Variants in ATP13A3 observed in about 807,000 individuals in gnomAD.
ATP13A3 encodes ATPase 13A3.
A neutral mutation model predicts 158.1 loss-of-function variants in ATP13A3; 59 were observed. The observed-to-expected ratio is 0.37, with a 90% CI of 0.30 to 0.46. The LOEUF (loss-of-function observed/expected upper bound fraction) is 0.46, where lower values mean the gene tolerates loss of function less well. ATP13A3 is among the 20% of genes least tolerant of loss of function. The pLI is 1.00. For missense variants in ATP13A3, 1,166 were observed against 1,525.2 expected (o/e 0.76, Z 3.92); for synonymous variants, 491 against 504.3 (o/e 0.97, Z 0.35).
intron 32 of ATP13A3, 97 bp from the exon 33 acceptor site, chr3:194,412,385 T>A (rs1160717846): frequency 1.1e-6 from 1 of 909,758 alleles, no homozygotes; most frequent in Non-Finnish European, 1.7e-6. Context: ...GCATAATTGA[T>A]GAAAAGGATA....
At chr3:194,475,127 A>C (rs1720469985) in intron 2 of ATP13A3, among the ~76,000 whole-genome samples, 1 of 152,196 alleles carries the variant, frequency 6.6e-6, no homozygotes, top group Non-Finnish European at 1.5e-5. Context: ...AGAAGAGTGG[A>C]AGAAAATTTT....
At chr3:194,413,988 G>T (rs1715628877) in intron 31 of ATP13A3, 149 bp from the exon 32 acceptor site, 4 of 659,942 alleles carry the variant, frequency 6.1e-6, no homozygotes, top group Non-Finnish European at 1.1e-5. Context: ...ATGCCCCGCG[G>T]TATATATTAT....
upstream of ATP13A3, among the ~76,000 whole-genome samples, chr3:194,489,496 A>C (rs1721120859): frequency 6.6e-6 from 1 of 152,170 alleles, no homozygotes; most frequent in Non-Finnish European, 1.5e-5. The surrounding 1 kb of genome is among the most constrained non-coding windows in gnomAD (Gnocchi z 4.1). Context: ...TTCCAGCCTG[A>C]ATTGTTAGAC....
upstream of ATP13A3, chr3:194,488,434 T>C (rs1418315222): frequency 6.6e-6 from 1 of 152,398 alleles, no homozygotes. This position sits in a 1 kb window ranked among gnomAD's most constrained non-coding sequence, Gnocchi z 4.1. Flanking sequence ...TCCCTCCAAC[T>C]AGCTTCCAAG....
Position 194,448,324 on chromosome 3 carries a change from C to T in ATP13A3, c.1150+133G>A, listed in dbSNP as rs1718548715. On this transcript the variant is annotated intron_variant, in intron 12 of 33. Coordinates refer to ENST00000645319, the MANE Select transcript of ATP13A3 (RefSeq NM_001367549.1). This position sits in a 1 kb window ranked among gnomAD's most constrained non-coding sequence, Gnocchi z 4.0. ...CAATCTCCTGACCTCATGATCCGCCCACCTCGGCTTCCCAAAGTGCTGGGA... is the reference window on the plus strand; with the variant it reads ...CAATCTCCTGACCTCATGATCCGCCTACCTCGGCTTCCCAAAGTGCTGGGA... 18 of 1,028,278 alleles carry T rather than the reference C, an allele frequency of 1.8e-5. No homozygotes were observed. The South Asian group carries it at 2.6e-4, about 15-fold the overall frequency. 63.7% of individuals were successfully genotyped at this position (1,028,278 alleles called of 1,614,324 possible). A position where few individuals can be genotyped will look rare whatever the true frequency, so the allele number is the denominator to read the frequency against.
rs146993933 is a variant in ATP13A3, at chr3:194,449,044, TACACACACACACACAC to T, written c.971-424_971-409del. ...GTGAGGGCCTACCCCGATCCACCCC[TACACACACACACACAC>T]ACACACACACACACACACACACACA... On this transcript the variant is annotated intron_variant, in intron 11 of 33. Coordinates refer to ENST00000645319, the MANE Select transcript of ATP13A3 (RefSeq NM_001367549.1). Among the ~76,000 whole-genome samples the T allele has an allele frequency of 5.3e-3, 709 of 134,974 alleles. 1 individual carries two copies. The highest frequency in any genetic ancestry group is 0.026 in the Middle Eastern group (7 of 272). 88.5% of individuals were successfully genotyped at this position (134,974 alleles called of 152,430 possible). A position where few individuals can be genotyped will look rare whatever the true frequency, so the allele number is the denominator to read the frequency against.
At chr3:194,468,281 A>G in intron 2 of ATP13A3, 1 of 151,762 alleles carries the variant, frequency 6.6e-6, no homozygotes, top group East Asian at 1.9e-4. Flanking sequence ...TCCACAGTGC[A>G]TGCCTGAGTC....
At chr3:194,466,427 G>A (rs1011198085) in intron 2 of ATP13A3, among the ~76,000 whole-genome samples, 3 of 152,158 alleles carry the variant, frequency 2.0e-5, no homozygotes, top group African/African-American at 7.2e-5. Flanking sequence ...AAAAGATTCT[G>A]CAAGTATCAG....
chr3:194,412,135 C>T (rs763586183), intron 33 of ATP13A3, 64 bp downstream of exon 33: 7 of 1,270,254 alleles, frequency 5.5e-6, no homozygotes. Context: ...CTAGAGAATA[C>T]AGAGTACACA....
Position 194,430,131 on chromosome 3 carries a change from T to C in ATP13A3, c.2718A>G (p.Ser906=), listed in dbSNP as rs1338118580. 3 of 1,614,160 alleles carry C rather than the reference T, an allele frequency of 1.9e-6. No individual in the cohort carries two copies. The highest frequency in any genetic ancestry group is 1.7e-5 in the Admixed American group (1 of 60,018). Residue 906 remains serine (S), a synonymous_variant, in exon 26 of 34, where the codon TCA becomes TCG. Coordinates refer to ENST00000645319, the MANE Select transcript of ATP13A3 (RefSeq NM_001367549.1). ...TCTTAGAGGTAAAGGGAGATGCCAC[T>C]GAAGCTTCGAGCTCCGATAAGGAAA... is the stretch of plus-strand genomic sequence containing the variant. ...GGISLSELEA[S]VASPFTSKTP...
At chr3:194,455,184 T>C (rs998992120) in intron 8 of ATP13A3, among the ~76,000 whole-genome samples, 1 of 152,200 alleles carries the variant, frequency 6.6e-6, no homozygotes, top group East Asian at 1.9e-4. Context: ...TTATGTTACT[T>C]TGCTTTCTCT....
intron 21 of ATP13A3, among the ~76,000 whole-genome samples, chr3:194,433,082 T>A (rs377651928): frequency 6.6e-6 from 1 of 152,142 alleles, no homozygotes; most frequent in Non-Finnish European, 1.5e-5. Flanking sequence ...GAGTAAAATA[T>A]ACTCCTAACC....
Position 194,465,354 on chromosome 3 carries a change from C to T in ATP13A3, c.-46-3118G>A, listed in dbSNP as rs563615656. Among the ~76,000 whole-genome samples, 11 of 152,286 alleles carry T rather than the reference C, an allele frequency of 7.2e-5. No individual in the cohort carries two copies. In the South Asian group the frequency reaches 2.3e-3, roughly 32 times the overall value. On this transcript the variant is annotated intron_variant, in intron 2 of 33. Coordinates refer to ENST00000645319, the MANE Select transcript of ATP13A3 (RefSeq NM_001367549.1). ...AGAAGAGAGTCTGACCCACTAAGAA[C>T]ACGACTGACCTGCAAGATGGACTCC...
rs1437397589 is a variant in ATP13A3, at chr3:194,431,248, A to C, written c.2422-22T>G. 10 of 1,569,680 alleles carry C rather than the reference A, an allele frequency of 6.4e-6. No homozygotes were observed. In the South Asian group the frequency reaches 1.0e-4, roughly 16 times the overall value. On this transcript the variant is annotated intron_variant, in intron 22 of 33. Coordinates refer to ENST00000645319, the MANE Select transcript of ATP13A3 (RefSeq NM_001367549.1). Reference sequence around the variant, plus strand: ...TAGCCTGTGTATATGAGACATTGGGAACAATATTTAGGCAACCAAACCAAG... The same window carrying C: ...TAGCCTGTGTATATGAGACATTGGGCACAATATTTAGGCAACCAAACCAAG...
chr3:194,424,275 T>C (rs1425551447), intron 30 of ATP13A3: 1 of 151,716 alleles, frequency 6.6e-6, no homozygotes, highest in African/African-American at 2.4e-5. Flanking sequence ...GTTATTAGTA[T>C]AGTTATATAG....
In ATP13A3 at chr3:194,428,881, T is replaced by C. The variant is rs754675963; in HGVS notation, c.2911A>G (p.Ile971Val). The change falls in exon 28 of 34, where the codon ATT (isoleucine) becomes GTT (valine). Residue 971 changes from isoleucine (I) to valine (V), a missense_variant. Ile to Val is a conservative substitution (Grantham distance 29). This residue lies in a region of ATP13A3 where 997 missense variants were observed against 1,341.2 expected (regional missense o/e 0.74). Coordinates refer to ENST00000645319, the MANE Select transcript of ATP13A3 (RefSeq NM_001367549.1). The stretch of plus-strand genomic sequence containing the variant: ...ACTACCAAAATGATTGCCAGATCAA[T>C]GAAGAGAAACTGGAAGTCTCCTAGG... ...SNLGDFQFLF[I>V]DLAIILVVVF... is the part of the protein sequence containing the mutation. 1.6e-5 allele frequency: 26 copies of C among 1,599,528 alleles called. No individual in the cohort carries two copies. The highest frequency in any genetic ancestry group is 2.1e-5 in the Non-Finnish European group (25 of 1,169,460).
upstream of ATP13A3, among the ~76,000 whole-genome samples, chr3:194,490,917 G>A (rs1355017912): frequency 3.9e-5 from 6 of 152,190 alleles, no homozygotes; most frequent in Admixed American, 1.3e-4. This position sits in a 1 kb window ranked among gnomAD's most constrained non-coding sequence, Gnocchi z 4.4. Context: ...AGGCCGAGGC[G>A]GGCGGATCAC....
At position 194,437,124 on chromosome 3, in the gene ATP13A3, C is replaced by T. The variant is rs763900974; in HGVS notation, c.2091G>A (p.Leu697=). Residue 697 remains leucine, a synonymous_variant, in exon 20 of 34, where the codon CTG becomes CTA. Transcript: ENST00000645319. ...TAATATTCTGTACTTTATGCCATGTCAGTTTTGACTCCAATTTTCTGTGTG... is the reference window on the plus strand; with the variant it reads ...TAATATTCTGTACTTTATGCCATGTTAGTTTTGACTCCAATTTTCTGTGTG... ...ALAHRKLESK[L]TWHKVQNISR... is the part of the protein sequence containing the mutation. 3.1e-6 allele frequency: 5 copies of T among 1,614,044 alleles called. No homozygotes were observed. The African/African-American group carries it at 6.7e-5, about 22-fold the overall frequency.
chr3:194,403,223 T>C lies in ATP13A3; in HGVS notation c.*2696A>G, dbSNP rs139437389. ...TCATAAACATGGGGAACAAAATAAA[T>C]AGAGTAAAAACTGCAACAGTTTTGT... On this transcript the variant is annotated 3_prime_UTR_variant, in exon 34 of 34. Coordinates refer to ENST00000645319, the MANE Select transcript of ATP13A3 (RefSeq NM_001367549.1). 22 of 152,304 alleles carry C rather than the reference T, an allele frequency of 1.4e-4. No individual in the cohort carries two copies. The East Asian group carries it at 3.9e-3, about 27-fold the overall frequency. 9.4% of individuals were successfully genotyped at this position (152,304 alleles called of 1,614,324 possible). A position where few individuals can be genotyped will look rare whatever the true frequency, so the allele number is the denominator to read the frequency against.
Sources: gnomAD v4.1 joint callset for allele counts (sites outside exome capture counted in the v4.1 genomes callset) on GRCh38, gnomAD v4.1.1 for gene constraint, gnomAD v4.1.1 regional missense constraint, Gnocchi (gnomAD v3.1) non-coding constraint, MANE v1.5 for transcripts, NCBI Gene and HGNC (gene_info 2026-07-23, HGNC 2026-07-21) for gene names.